The following DGKD variants were observed in gnomAD, a reference collection of about 807,000 sequenced individuals.
The protein encoded by DGKD is diacylglycerol kinase delta.
DGKD carries 68 observed loss-of-function variants against 154.4 expected under a neutral mutation model. The ratio of observed to expected loss-of-function variants is 0.44; its 90% confidence interval spans 0.36 to 0.54. DGKD has a LOEUF of 0.54. Ranked by LOEUF, DGKD falls within the 20% of genes least tolerant of loss-of-function variation. The pLI is 0.00. For missense variants in DGKD, 1,343 were observed against 1,593.6 expected (o/e 0.84, Z 2.68); for synonymous variants, 693 against 638.0 (o/e 1.09, Z -1.30).
At chr2:233,373,136 A>T (rs1486485999) in intron 1 of DGKD, among the ~76,000 whole-genome samples, 1 of 152,204 alleles carries the variant, frequency 6.6e-6, no homozygotes, top group Non-Finnish European at 1.5e-5. Context: ...GGAAAGTGGC[A>T]ATGTGCATGG....
intron 1 of DGKD, among the ~76,000 whole-genome samples, chr2:233,377,080 T>G (rs1702616462): frequency 6.9e-6 from 1 of 144,182 alleles, no homozygotes; most frequent in African/African-American, 2.6e-5. Flanking sequence ...GCATGTTCCT[T>G]TTTTTTTTTT....
chr2:233,378,871 A>G (rs1702732951), intron 1 of DGKD, among the ~76,000 whole-genome samples: 1 of 152,234 alleles, frequency 6.6e-6, no homozygotes, highest in Non-Finnish European at 1.5e-5. Context: ...CCCCGCCTCT[A>G]CAAAGCAAAG....
At chr2:233,417,468 T>C (rs2061987355) in intron 3 of DGKD, among the ~76,000 whole-genome samples, 1 of 152,254 alleles carries the variant, frequency 6.6e-6, no homozygotes, top group African/African-American at 2.4e-5. Flanking sequence ...AAGTTCTCAG[T>C]GGCCTGCCCC....
chr2:233,360,233 AATAAG>A (rs898500743), intron 1 of DGKD, among the ~76,000 whole-genome samples: 1 of 152,134 alleles, frequency 6.6e-6, no homozygotes, highest in Non-Finnish European at 1.5e-5. Flanking sequence ...ATGCCCACAT[AATAAG>A]ATATTAGTTA....
rs1403487071 is a variant in DGKD, at chr2:233,441,715, G to A, written c.1086-172G>A. On this transcript the variant is annotated intron_variant, in intron 9 of 29. Transcript: ENST00000264057. This position sits in a 1 kb window ranked among gnomAD's most constrained non-coding sequence, Gnocchi z 5.6. ...GTGCTGCTGTCGTCCCTTTGACAAA[G>A]TGGACCCTGAGTGGAGGCGGCTGGT... is the stretch of plus-strand genomic sequence containing the variant. Among the ~76,000 whole-genome samples, 17 of 152,180 alleles carry A rather than the reference G, an allele frequency of 1.1e-4. No homozygotes were observed. The highest frequency in any genetic ancestry group is 2.4e-4 in the Non-Finnish European group (16 of 68,026).
intron 3 of DGKD, among the ~76,000 whole-genome samples, chr2:233,432,995 T>C (rs908785679): frequency 1.7e-4 from 26 of 152,130 alleles, no homozygotes; most frequent in African/African-American, 6.3e-4. Context: ...GCTGGTAGGA[T>C]TGTAAATTAG....
At chr2:233,395,602 T>C (rs1230450855) in intron 3 of DGKD, among the ~76,000 whole-genome samples, 3 of 137,398 alleles carry the variant, frequency 2.2e-5, no homozygotes, top group African/African-American at 2.7e-5. Flanking sequence ...CCTCCCCTCC[T>C]CTCCTTTCCC....
At position 233,435,897 on chromosome 2, in the gene DGKD, G is replaced by C. The variant is rs2062675320; in HGVS notation, c.666G>C (p.Gly222=). The C allele has an allele frequency of 6.2e-7, 1 of 1,611,278 alleles. No homozygotes were observed. Among genetic ancestry groups the C allele is most frequent in the African/African-American group, 1.3e-5 (1 of 74,850 alleles). The change falls in exon 6 of 30, where the codon GGG becomes GGC. Residue 222 remains glycine (G), a synonymous_variant. Coordinates refer to ENST00000264057, the MANE Select transcript of DGKD (RefSeq NM_152879.3). The part of the protein sequence containing the change: ...NCKWTTLASI[G]KDIIEDADGI... ...AGTGGACCACACTGGCCTCGATCGGGAAGGACATCATTGAAGATGCAGATG... is the reference window on the plus strand; with the variant it reads ...AGTGGACCACACTGGCCTCGATCGGCAAGGACATCATTGAAGATGCAGATG...
intron 3 of DGKD, among the ~76,000 whole-genome samples, chr2:233,420,834 C>A (rs994330921): frequency 6.6e-6 from 1 of 152,174 alleles, no homozygotes; most frequent in Non-Finnish European, 1.5e-5. Flanking sequence ...GTACCTAAGA[C>A]GTCCTGTTGT....
At chr2:233,397,288 G>C (rs1310193270) in intron 3 of DGKD, among the ~76,000 whole-genome samples, 7 of 96,582 alleles carry the variant, frequency 7.2e-5, no homozygotes, top group African/African-American at 3.0e-4. Context: ...CTCCAGAGGG[G>C]ACCAGGGTGG....
chr2:233,360,955 TC>T (rs1387847627), intron 1 of DGKD, among the ~76,000 whole-genome samples: 1 of 151,470 alleles, frequency 6.6e-6, no homozygotes, highest in African/African-American at 2.4e-5. Context: ...ATCTCCGACT[TC>T]CAGCCCCCAG....
At chr2:233,447,078 G>A (rs1297886698) in intron 12 of DGKD, among the ~76,000 whole-genome samples, 1 of 152,136 alleles carries the variant, frequency 6.6e-6, no homozygotes, top group Non-Finnish European at 1.5e-5. Context: ...CACCCTGTCC[G>A]TGCATCTCCT....
rs2063318354 is a variant in DGKD, at chr2:233,452,240, C to T, written c.2264+180C>T. Among the ~76,000 whole-genome samples the T allele has an allele frequency of 6.6e-6, 1 of 152,208 alleles. No individual in the cohort carries two copies. Among genetic ancestry groups the T allele is most frequent in the Non-Finnish European group, 1.5e-5 (1 of 68,042 alleles). ...GGAGTGGAGCTGGAAACCACTACTGCACATCTGCTGCAGAGGCAAAGCGCA... is the reference window on the plus strand; with the variant it reads ...GGAGTGGAGCTGGAAACCACTACTGTACATCTGCTGCAGAGGCAAAGCGCA... On this transcript the variant is annotated intron_variant, in intron 18 of 29. Transcript: ENST00000264057. This position sits in a 1 kb window ranked among gnomAD's most constrained non-coding sequence, Gnocchi z 4.0.
rs749890174 is a variant in DGKD, at chr2:233,448,324, C to T, written c.1563C>T (p.Ala521=). 3 of 1,614,094 alleles carry T rather than the reference C, an allele frequency of 1.9e-6. No homozygotes were observed. The highest frequency in any genetic ancestry group is 2.5e-6 in the Non-Finnish European group (3 of 1,180,012). Residue 521 remains alanine, a synonymous_variant, in exon 14 of 30, where the codon GCC becomes GCT. Coordinates refer to ENST00000264057, the MANE Select transcript of DGKD (RefSeq NM_152879.3). ...ACTTCGTGGCACGGGTGGGGAAGGC[C>T]TATGAGAAGACGACCGAGAGCTCGG... ...VKDFVARVGK[A]YEKTTESSEE...
chr2:233,398,842 T>C (rs948548625), intron 3 of DGKD, among the ~76,000 whole-genome samples: 3 of 152,150 alleles, frequency 2.0e-5, no homozygotes, highest in African/African-American at 2.4e-5. Context: ...CAGGCTGGTC[T>C]TGAACTCCTG....
Position 233,457,109 on chromosome 2 carries a change from A to G in DGKD, c.2473-112A>G. On this transcript the variant is annotated intron_variant, in intron 20 of 29. Coordinates refer to ENST00000264057, the MANE Select transcript of DGKD (RefSeq NM_152879.3). The surrounding 1 kb of genome is among the most constrained non-coding windows in gnomAD (Gnocchi z 5.5). ...TCCATGCACAGGGACTTGCCTGGGG[A>G]TGCCCTGGCCACGGCTGTGCTCCTG... is the stretch of plus-strand genomic sequence containing the variant. 1 of 1,306,776 alleles carries G rather than the reference A, an allele frequency of 7.7e-7. No homozygotes were observed. Among genetic ancestry groups the G allele is most frequent in the Non-Finnish European group, 1.1e-6 (1 of 910,808 alleles). The allele number at this position is 1,306,776 out of a possible 1,614,324, so 80.9% of individuals were successfully genotyped here.
rs771476157 is a variant in DGKD, at chr2:233,438,523, C to G, written c.1085+144C>G. Reference sequence around the variant, plus strand: ...CTGCTTCCTTCCCAAATTGCACTTGCAGAGGTGCCCACTCTTAATAGAGGT... The same window carrying G: ...CTGCTTCCTTCCCAAATTGCACTTGGAGAGGTGCCCACTCTTAATAGAGGT... On this transcript the variant is annotated intron_variant, in intron 9 of 29. Coordinates refer to ENST00000264057, the MANE Select transcript of DGKD (RefSeq NM_152879.3). This position sits in a 1 kb window ranked among gnomAD's most constrained non-coding sequence, Gnocchi z 4.1. 45 of 1,022,454 alleles carry G rather than the reference C, an allele frequency of 4.4e-5. No homozygotes were observed. Among genetic ancestry groups the G allele is most frequent in the Admixed American group, 8.7e-5 (3 of 34,474 alleles). 63.3% of individuals were successfully genotyped at this position (1,022,454 alleles called of 1,614,324 possible).
Position 233,421,371 on chromosome 2 carries a change from G to A in DGKD, c.349-13009G>A, listed in dbSNP as rs142763355. On this transcript the variant is annotated intron_variant, in intron 3 of 29. Transcript: ENST00000264057. ...TGCCCACTCTCCTCACCATCATCTC[G>A]TGATGGGGTTACTGAGGAGCCTCCC... Among the ~76,000 whole-genome samples the A allele has an allele frequency of 2.9e-3, 435 of 152,290 alleles. 3 individuals carry two copies. Among genetic ancestry groups the A allele is most frequent in the East Asian group, 0.01 (53 of 5,170 alleles).
In DGKD at chr2:233,457,809, G is replaced by C. The variant is rs548683851; in HGVS notation, c.2581-475G>C. On this transcript the variant is annotated intron_variant, in intron 21 of 29. Coordinates refer to ENST00000264057, the MANE Select transcript of DGKD (RefSeq NM_152879.3). The surrounding 1 kb of genome is among the most constrained non-coding windows in gnomAD (Gnocchi z 5.5). ...GACAGGAGAGGGCTGCAGGGCCTGGGTCACACTGGGCTGTGTGAGCTGGGG... is the reference window on the plus strand; with the variant it reads ...GACAGGAGAGGGCTGCAGGGCCTGGCTCACACTGGGCTGTGTGAGCTGGGG... 51 of 352,696 alleles carry C rather than the reference G, an allele frequency of 1.4e-4. No individual in the cohort carries two copies. The highest frequency in any genetic ancestry group is 1.1e-3 in the African/African-American group (50 of 47,000). 21.8% of individuals were successfully genotyped at this position (352,696 alleles called of 1,614,324 possible).
Sources: allele counts gnomAD v4.1 joint callset (sites outside exome capture counted in the v4.1 genomes callset), GRCh38; gene constraint gnomAD v4.1.1; non-coding constraint Gnocchi (gnomAD v3.1); transcripts MANE v1.5; gene names NCBI Gene and HGNC (gene_info 2026-07-23, HGNC 2026-07-21).